NCAPD3: variants seen among roughly 807,000 people sequenced by gnomAD.
The protein encoded by NCAPD3 is non-SMC condensin II complex subunit D3, also known as condensin-2 complex subunit D3.
NCAPD3 carries 105 observed loss-of-function variants against 182.9 expected under a neutral mutation model. The ratio of observed to expected loss-of-function variants is 0.57; its 90% CI spans 0.49 to 0.68. NCAPD3 has a LOEUF of 0.68. Ranked by LOEUF, NCAPD3 falls within the 30% of genes least tolerant of loss-of-function variation. The probability of loss-of-function intolerance (pLI) is 0.00; values close to 1 mark genes in which losing one functional copy is unlikely to be tolerated. For missense variants in NCAPD3, 1,944 were observed against 1,837.0 expected (o/e 1.06, Z -1.07); for synonymous variants, 815 against 679.9 (o/e 1.20, Z -3.09).
chr11:134,165,751 G>T (rs1305524465), intron 27 of NCAPD3, among the ~76,000 whole-genome samples: 1 of 146,594 alleles, frequency 6.8e-6, no homozygotes, highest in African/African-American at 2.6e-5. Flanking sequence ...ACTCACTTGT[G>T]AGATGAGCTT....
chr11:134,213,369 G>C (rs1937910213), intron 3 of NCAPD3, among the ~76,000 whole-genome samples: 1 of 151,418 alleles, frequency 6.6e-6, no homozygotes, highest in African/African-American at 2.4e-5. Context: ...ACCCAGGCTG[G>C]AGTGCAGTGG....
chr11:134,188,781 G>A (rs950320546), intron 16 of NCAPD3, among the ~76,000 whole-genome samples: 7 of 152,154 alleles, frequency 4.6e-5, no homozygotes, highest in Admixed American at 1.3e-4. Context: ...GAAGGTCTGC[G>A]GCTTTATTCT....
intron 1 of NCAPD3, among the ~76,000 whole-genome samples, chr11:134,222,617 G>T (rs1008430452): frequency 4.6e-5 from 7 of 152,198 alleles, no homozygotes; most frequent in African/African-American, 1.4e-4. Flanking sequence ...TGCTATGGAT[G>T]AGTGTTAAAA....
chr11:134,161,279 T>C (rs1943572435), intron 28 of NCAPD3, among the ~76,000 whole-genome samples: 1 of 152,200 alleles, frequency 6.6e-6, no homozygotes, highest in South Asian at 2.1e-4. Flanking sequence ...CAACACATCC[T>C]GGGTTTGCTC....
rs868317026 is a variant in NCAPD3, at chr11:134,160,024, G to A, written c.3735C>T (p.Asp1245=). The A allele has an allele frequency of 1.9e-6, 3 of 1,614,116 alleles. No homozygotes were observed. The highest frequency in any genetic ancestry group is 1.7e-4 in the Middle Eastern group (1 of 6,060). ...ACTCAAGCTCTGATGCCAGCTGTTT[G>A]TCAACTGCAAAGAAGTCCTTGAGCT... ...RDELKDFFAV[D]KQLASELEYD... The change falls in exon 29 of 35, where the codon GAC becomes GAT. Residue 1245 remains aspartate (D), a synonymous_variant. Coordinates refer to ENST00000534548, the MANE Select transcript of NCAPD3 (RefSeq NM_015261.3).
intron 27 of NCAPD3, among the ~76,000 whole-genome samples, chr11:134,165,923 TGGG>T (rs1174777704): frequency 5.6e-5 from 5 of 89,310 alleles, no homozygotes; most frequent in African/African-American, 9.3e-5. Flanking sequence ...GAGATGAGCT[TGGG>T]GGAGCAGCAC....
chr11:134,192,606 TCGAGGACCAA>T, intron 16 of NCAPD3, 73 bp downstream of exon 16: 1 of 1,227,794 alleles, frequency 8.1e-7, no homozygotes, highest in South Asian at 1.4e-5. Flanking sequence ...AGCTGATTTT[TCGAGGACCAA>T]TAGGAGAAAT....
At chr11:134,202,162 C>A (rs888367945) in intron 13 of NCAPD3, among the ~76,000 whole-genome samples, 2 of 152,160 alleles carry the variant, frequency 1.3e-5, no homozygotes, top group African/African-American at 4.8e-5. Context: ...TTAATAAACC[C>A]AATTATGTAA....
chr11:134,184,528 C>A, intron 19 of NCAPD3, 109 bp downstream of exon 19: 1 of 724,518 alleles, frequency 1.4e-6, no homozygotes, highest in South Asian at 2.0e-5. Context: ...GGGGGACATC[C>A]TTACACGTCC....
chr11:134,193,966 C>G (rs771597395), intron 15 of NCAPD3, 50 bp downstream of exon 15: 7 of 1,552,148 alleles, frequency 4.5e-6, no homozygotes, highest in Non-Finnish European at 6.1e-6. Context: ...TGTGGAATTA[C>G]TTTTAATGTA....
Position 134,204,940 on chromosome 11 carries a change from A to T in NCAPD3, c.1048T>A (p.Phe350Ile). ...TGCAGTAAGATACGGACGACTGGGA[A>T]TATACTCTCCTTTAATTCATCCACA... ...ALVDELKESI[F>I]PVVRILLQHI... Residue 350 changes from phenylalanine (F) to isoleucine (I), a missense_variant, in exon 9 of 35, where the codon TTC becomes ATC. By Grantham distance (21) the Phe-to-Ile change is conservative. Coordinates refer to ENST00000534548, the MANE Select transcript of NCAPD3 (RefSeq NM_015261.3). This position sits in a 1 kb window ranked among gnomAD's most constrained non-coding sequence, Gnocchi z 4.3. The T allele has an allele frequency of 6.2e-7, 1 of 1,613,816 alleles. No homozygotes were observed. The highest frequency in any genetic ancestry group is 8.5e-7 in the Non-Finnish European group (1 of 1,179,730).
At chr11:134,205,108 A>G (rs1338201769) in intron 8 of NCAPD3, 137 bp from the exon 9 acceptor site, 5 of 593,510 alleles carry the variant, frequency 8.4e-6, no homozygotes, top group African/African-American at 1.9e-5. Flanking sequence ...AGTAGAATGA[A>G]GAGTGAAGAC....
intron 13 of NCAPD3, among the ~76,000 whole-genome samples, chr11:134,196,714 A>G (rs976819073): frequency 6.6e-5 from 10 of 151,992 alleles, no homozygotes; most frequent in African/African-American, 2.4e-4. Flanking sequence ...AATACTTTAC[A>G]CACACACATA....
At position 134,160,093 on chromosome 11, in the gene NCAPD3, C is replaced by T. The variant is rs1943535538; in HGVS notation, c.3685-19G>A. On this transcript the variant is annotated intron_variant, in intron 28 of 34. Transcript: ENST00000534548. ...TCACCTCCTGAAACAGAGCCAGGAG[C>T]ATCCTTTCATGTTTTCTTGAATAAA... is the stretch of plus-strand genomic sequence containing the variant. 1.2e-6 allele frequency: 2 copies of T among 1,610,410 alleles called. No homozygotes were observed. Among genetic ancestry groups the T allele is most frequent in the Admixed American group, 1.7e-5 (1 of 59,724 alleles).
intron 27 of NCAPD3, among the ~76,000 whole-genome samples, chr11:134,167,474 G>T (rs1214606351): frequency 1.4e-5 from 2 of 141,902 alleles, no homozygotes; most frequent in African/African-American, 2.7e-5. Flanking sequence ...ACACTCACTT[G>T]TGAGATGAGC....
intron 1 of NCAPD3, among the ~76,000 whole-genome samples, chr11:134,223,637 G>A (rs1048761929): frequency 2.0e-5 from 3 of 152,224 alleles, no homozygotes; most frequent in East Asian, 1.9e-4. Context: ...AGAAGAGACT[G>A]GCCAACATTC....
intron 2 of NCAPD3, among the ~76,000 whole-genome samples, chr11:134,219,678 T>G (rs1938156930): frequency 1.3e-5 from 2 of 152,236 alleles, no homozygotes; most frequent in Admixed American, 6.5e-5. Context: ...TTTTGAAAAC[T>G]AACAACCTAA....
At chr11:134,167,653 G>A (rs1943886483) in intron 27 of NCAPD3, among the ~76,000 whole-genome samples, 1 of 139,298 alleles carries the variant, frequency 7.2e-6, no homozygotes, top group Non-Finnish European at 1.5e-5. Context: ...GAGCTTGGGG[G>A]AGCAGCACAC....
intron 16 of NCAPD3, 122 bp downstream of exon 16, chr11:134,192,567 A>C (rs1206161300): frequency 6.3e-6 from 5 of 789,630 alleles, no homozygotes; most frequent in Non-Finnish European, 4.0e-6. Context: ...ACCAATACTT[A>C]ATCTTCACAT....
Sources: gnomAD v4.1 joint callset for allele counts (sites outside exome capture counted in the v4.1 genomes callset) on GRCh38, gnomAD v4.1.1 for gene constraint, Gnocchi (gnomAD v3.1) non-coding constraint, MANE v1.5 for transcripts, NCBI Gene and HGNC (gene_info 2026-07-23, HGNC 2026-07-21) for gene names.